Variants in CELF2 observed in about 807,000 individuals in gnomAD.
The protein encoded by CELF2 is CUG triplet repeat RNA-binding protein 2.
A neutral mutation model predicts 62.6 loss-of-function variants in CELF2; 8 were observed. The ratio of observed to expected loss-of-function variants is 0.13; its 90% CI spans 0.07 to 0.23. The LOEUF is 0.23. CELF2 is among the 10% of genes least tolerant of loss of function. CELF2 has a pLI of 1.00. For synonymous variants in CELF2, 258 were observed against 250.0 expected (o/e 1.03, Z -0.30); for missense variants, 333 against 671.0 (o/e 0.50, Z 5.56).
chr10:11,244,240 A>G lies in CELF2; in HGVS notation c.355-4913A>G, dbSNP rs1292793345. Among the ~76,000 whole-genome samples, 2 of 152,260 alleles carry G rather than the reference A, an allele frequency of 1.3e-5. No individual in the cohort carries two copies. The highest frequency in any genetic ancestry group is 2.9e-5 in the Non-Finnish European group (2 of 68,038). On this transcript the variant is annotated intron_variant, in intron 3 of 12. Transcript: ENST00000633077. This position sits in a 1 kb window ranked among gnomAD's most constrained non-coding sequence, Gnocchi z 4.2. ...TGTCCTGGCACCTAGGGAAGATTTCATTCAGGAGTGAGTAGATGGGCATTG... is the reference window on the plus strand; with the variant it reads ...TGTCCTGGCACCTAGGGAAGATTTCGTTCAGGAGTGAGTAGATGGGCATTG...
intron 8 of CELF2, among the ~76,000 whole-genome samples, chr10:11,287,307 C>A (rs1358923157): frequency 6.6e-6 from 1 of 152,090 alleles, no homozygotes; most frequent in Non-Finnish European, 1.5e-5. Context: ...CATGTGCAGT[C>A]TTCTGGTAAA....
Position 10,929,091 on chromosome 10 carries a change from A to T in CELF2, c.89+9092A>T, listed in dbSNP as rs114468564. Among the ~76,000 whole-genome samples the T allele has an allele frequency of 9.6e-4, 146 of 152,004 alleles. 2 individuals carry two copies. The highest frequency in any genetic ancestry group is 3.3e-3 in the African/African-American group (135 of 41,464). On this transcript the variant is annotated intron_variant, in intron 2 of 13. Transcript: ENST00000636488. ...ATTTCTGCCTTCTCTCACCCTTCTC[A>T]CTCTTCTCACTGCTCCGTAGACTTG... is the stretch of plus-strand genomic sequence containing the variant.
At chr10:10,912,762 C>T (rs1296996817) in intron 1 of CELF2, among the ~76,000 whole-genome samples, 7 of 152,290 alleles carry the variant, frequency 4.6e-5, no homozygotes, top group Admixed American at 2.0e-4. Context: ...CTGTGGCTTA[C>T]GCATACTCCC....
At chr10:11,100,706 C>T (rs140949150) in intron 1 of CELF2, among the ~76,000 whole-genome samples, 98 of 152,162 alleles carry the variant, frequency 6.4e-4, no homozygotes, top group Admixed American at 1.4e-3. Context: ...AAAGAGTTCC[C>T]GTAGCATTTT....
chr10:11,099,350 G>A (rs1254259772), intron 1 of CELF2, among the ~76,000 whole-genome samples: 2 of 152,118 alleles, frequency 1.3e-5, no homozygotes, highest in Non-Finnish European at 2.9e-5. Flanking sequence ...AAAAACATTC[G>A]TATTTTTTAA....
At chr10:10,917,535 C>G (rs954094237) in intron 1 of CELF2, among the ~76,000 whole-genome samples, 1 of 151,910 alleles carries the variant, frequency 6.6e-6, no homozygotes, top group African/African-American at 2.4e-5. Context: ...GAGACAGGGT[C>G]TCACTGTGTT....
At chr10:11,313,878 G>A (rs539988957) in intron 9 of CELF2, among the ~76,000 whole-genome samples, 1 of 152,190 alleles carries the variant, frequency 6.6e-6, no homozygotes, top group South Asian at 2.1e-4. Flanking sequence ...AAACCTGGCA[G>A]GGCAGGCCTC....
rs948119893 is a variant in CELF2 at position 11,333,855 on chromosome 10, C to T, written c.*4802C>T. The T allele has an allele frequency of 7.3e-5, 11 of 151,610 alleles. No individual in the cohort carries two copies. The highest frequency in any genetic ancestry group is 2.7e-4 in the African/African-American group (11 of 41,196). 9.4% of individuals were successfully genotyped at this position (151,610 alleles called of 1,614,324 possible). A position where few individuals can be genotyped will look rare whatever the true frequency, so the allele number is the denominator to read the frequency against. On this transcript the variant is annotated 3_prime_UTR_variant, in exon 13 of 13. Coordinates refer to ENST00000633077, the MANE Select transcript of CELF2 (RefSeq NM_001326342.2). ...ATTTCTACAACTGATTGTACTTATG[C>T]ATTTTGTACCAGTGGAACTTTTTAT...
At chr10:10,848,896 T>C (rs141682608) in intron 1 of CELF2, among the ~76,000 whole-genome samples, 202 of 152,174 alleles carry the variant, frequency 1.3e-3, no homozygotes, top group African/African-American at 4.7e-3. Context: ...AACACCTCCC[T>C]TCTAAAGCCC....
chr10:11,117,431 A>G lies in CELF2; in HGVS notation c.75-48055A>G, dbSNP rs537749928. ...CGAAAAAGCCAGTGGCTCTCCAGGA[A>G]TGAAGATGCTCAAGGAGGCCTTGCT... On this transcript the variant is annotated intron_variant, in intron 1 of 12. Transcript: ENST00000633077. The surrounding 1 kb of genome is among the most constrained non-coding windows in gnomAD (Gnocchi z 4.1). 1.3e-5 allele frequency among the ~76,000 whole-genome samples: 2 copies of G among 152,326 alleles called. No individual in the cohort carries two copies. The highest frequency in any genetic ancestry group is 2.4e-5 in the African/African-American group (1 of 41,586).
chr10:10,686,910 G>A, the CELF2 span, among the ~76,000 whole-genome samples: 1 of 152,150 alleles, frequency 6.6e-6, no homozygotes, highest in South Asian at 2.1e-4. Flanking sequence ...CTTCTTATAT[G>A]TGGAACTCTG....
chr10:10,747,443 G>A, the CELF2 span, among the ~76,000 whole-genome samples: 1 of 152,164 alleles, frequency 6.6e-6, no homozygotes, highest in Non-Finnish European at 1.5e-5. Flanking sequence ...ACGAAGGAAA[G>A]GGGAAGGATA....
chr10:10,848,830 A>T (rs1170199198), intron 1 of CELF2, among the ~76,000 whole-genome samples: 2 of 152,048 alleles, frequency 1.3e-5, no homozygotes, highest in Non-Finnish European at 2.9e-5. Flanking sequence ...TTGTAAGGGG[A>T]GTCTGCTAGT....
chr10:10,773,780 C>T, the CELF2 span, among the ~76,000 whole-genome samples: 2 of 152,204 alleles, frequency 1.3e-5, no homozygotes, highest in Non-Finnish European at 2.9e-5. Context: ...TTGACCTTTT[C>T]CCTGTCTCTG....
At chr10:10,782,889 A>G in the CELF2 span, among the ~76,000 whole-genome samples, 1 of 152,160 alleles carries the variant, frequency 6.6e-6, no homozygotes, top group African/African-American at 2.4e-5. Flanking sequence ...ATGGGATTGT[A>G]TGACTAAAGT....
intron 2 of CELF2, among the ~76,000 whole-genome samples, chr10:11,173,554 G>A (rs1460573355): frequency 2.0e-5 from 3 of 152,204 alleles, no homozygotes; most frequent in Admixed American, 2.0e-4. Context: ...CAACCATGGT[G>A]AAACGTGAAA....
rs541507403 is a variant in CELF2, at chr10:10,928,887, G to A, written c.89+8888G>A. Among the ~76,000 whole-genome samples the A allele has an allele frequency of 5.3e-5, 8 of 152,320 alleles. No homozygotes were observed. Among genetic ancestry groups the A allele is most frequent in the African/African-American group, 1.4e-4 (6 of 41,582 alleles). On this transcript the variant is annotated intron_variant, in intron 2 of 13. Transcript: ENST00000636488. The surrounding 1 kb of genome is among the most constrained non-coding windows in gnomAD (Gnocchi z 4.8). ...CCTAGCAGTGCCTGGAACATAGTAG[G>A]CACGAATAAATATTTGCATAAGTGT...
At chr10:10,497,163 C>T in the CELF2 span, among the ~76,000 whole-genome samples, 26 of 144,826 alleles carry the variant, frequency 1.8e-4, no homozygotes, top group African/African-American at 5.9e-4. Context: ...CCAGCTTGGG[C>T]GACAGAGCAA....
chr10:10,755,693 A>G, the CELF2 span, among the ~76,000 whole-genome samples: 815 of 152,330 alleles, frequency 5.4e-3, 3 homozygotes, highest in Non-Finnish European at 8.9e-3. Context: ...GCCCCCTCTT[A>G]CGATGTTATA....
Sources: allele counts gnomAD v4.1 joint callset (sites outside exome capture counted in the v4.1 genomes callset), GRCh38; gene constraint gnomAD v4.1.1; non-coding constraint Gnocchi (gnomAD v3.1); transcripts MANE v1.5; gene names NCBI Gene and HGNC (gene_info 2026-07-23, HGNC 2026-07-21).